CNTNAP2: variants seen among roughly 807,000 people sequenced by gnomAD.
CNTNAP2 encodes contactin-associated protein-like 2.
In CNTNAP2, 98 loss-of-function variants were observed where a neutral mutation model predicts 155.2. That is an observed-to-expected ratio of 0.63 (90% CI 0.54 to 0.75). The LOEUF (loss-of-function observed/expected upper bound fraction) is 0.75. CNTNAP2 is among the 30% of genes least tolerant of loss of function. The pLI is 0.00. For missense variants in CNTNAP2, 1,727 were observed against 1,688.1 expected, an observed-to-expected ratio of 1.02 and a Z score of -0.40; for synonymous variants, 651 against 631.2, an observed-to-expected ratio of 1.03 and a Z score of -0.47.
intron 3 of CNTNAP2, among the ~76,000 whole-genome samples, chr7:146,941,411 A>C (rs1326499345): frequency 6.6e-6 from 1 of 152,148 alleles, no homozygotes; most frequent in Non-Finnish European, 1.5e-5. Flanking sequence ...TCAATTTTGG[A>C]TGTCACAACT....
intron 13 of CNTNAP2, among the ~76,000 whole-genome samples, chr7:147,873,492 A>G (rs2710140): frequency 0.57 from 86,675 of 151,934 alleles, 25,295 homozygotes; most frequent in African/African-American, 0.69. Flanking sequence ...AAAACCAGCC[A>G]ATCTTGTGAG....
intron 1 of CNTNAP2, among the ~76,000 whole-genome samples, chr7:146,351,106 C>T (rs1381920636): frequency 6.6e-6 from 1 of 151,192 alleles, no homozygotes; most frequent in African/African-American, 2.4e-5. Context: ...GTGCAGCACA[C>T]CAGCATGGCA....
intron 17 of CNTNAP2, among the ~76,000 whole-genome samples, chr7:148,167,979 T>C (rs920322636): frequency 2.0e-5 from 3 of 152,230 alleles, no homozygotes; most frequent in Non-Finnish European, 4.4e-5. Context: ...AATAAAAATA[T>C]GATTTACTCT....
chr7:146,592,879 T>C (rs973741279), intron 1 of CNTNAP2, among the ~76,000 whole-genome samples: 1 of 152,062 alleles, frequency 6.6e-6, no homozygotes, highest in Non-Finnish European at 1.5e-5. Context: ...CGCTACAGCT[T>C]GCAAACTGCA....
chr7:148,375,508 C>T (rs1798967215), intron 21 of CNTNAP2, among the ~76,000 whole-genome samples: 1 of 150,246 alleles, frequency 6.7e-6, no homozygotes, highest in African/African-American at 2.4e-5. Context: ...TACAGGCGTC[C>T]ACCACCACGC....
chr7:147,728,449 C>T (rs1189770076), intron 13 of CNTNAP2, among the ~76,000 whole-genome samples: 1 of 151,962 alleles, frequency 6.6e-6, no homozygotes, highest in Admixed American at 6.6e-5. Context: ...CTATTTTCTC[C>T]TCTTGGTTAC....
intron 1 of CNTNAP2, among the ~76,000 whole-genome samples, chr7:146,164,605 C>G (rs2116807194): frequency 6.6e-6 from 1 of 152,286 alleles, no homozygotes; most frequent in African/African-American, 2.4e-5. Context: ...TAGGTCTATT[C>G]TCAGTTTCCT....
chr7:146,750,925 G>A (rs1289224690), intron 1 of CNTNAP2, among the ~76,000 whole-genome samples: 1 of 152,014 alleles, frequency 6.6e-6, no homozygotes, highest in Non-Finnish European at 1.5e-5. Context: ...ATGCTGATAG[G>A]CATTAACAGG....
At chr7:146,720,889 CTCTA>C (rs1383515324) in intron 1 of CNTNAP2, among the ~76,000 whole-genome samples, 4 of 143,710 alleles carry the variant, frequency 2.8e-5, no homozygotes, top group African/African-American at 1.0e-4. Flanking sequence ...TATATATACT[CTCTA>C]TATATATTCT....
chr7:146,910,295 A>G (rs1031582519), intron 3 of CNTNAP2, among the ~76,000 whole-genome samples: 3 of 150,076 alleles, frequency 2.0e-5, no homozygotes, highest in Non-Finnish European at 2.9e-5. Context: ...ACAGAATTGG[A>G]AAAAGCTACT....
intron 1 of CNTNAP2, among the ~76,000 whole-genome samples, chr7:146,430,210 C>A (rs1473834782): frequency 1.3e-5 from 2 of 150,772 alleles, no homozygotes; most frequent in Admixed American, 1.3e-4. Flanking sequence ...TTAATCTCTG[C>A]CAGGATGTAA....
intron 14 of CNTNAP2, among the ~76,000 whole-genome samples, chr7:147,908,854 A>T (rs984661399): frequency 6.6e-6 from 1 of 152,230 alleles, no homozygotes; most frequent in Non-Finnish European, 1.5e-5. Flanking sequence ...ACTAAGACCA[A>T]AATGAGGACA....
chr7:146,521,373 A>G (rs938366742), intron 1 of CNTNAP2, among the ~76,000 whole-genome samples: 1 of 152,002 alleles, frequency 6.6e-6, no homozygotes, highest in Admixed American at 6.6e-5. Flanking sequence ...TTTATAGCAT[A>G]ATCTTTGAGT....
chr7:147,278,660 A>G (rs1012598694), intron 8 of CNTNAP2, among the ~76,000 whole-genome samples: 4 of 151,668 alleles, frequency 2.6e-5, no homozygotes, highest in Non-Finnish European at 4.4e-5. Flanking sequence ...TTTATACTGA[A>G]TAAAGTTTTT....
At chr7:148,109,263 C>A (rs1804288883) in intron 15 of CNTNAP2, among the ~76,000 whole-genome samples, 1 of 152,212 alleles carries the variant, frequency 6.6e-6, no homozygotes, top group Admixed American at 6.5e-5. Context: ...AGAGGTTCCA[C>A]TGTTATTCTG....
chr7:146,684,343 A>T (rs1800556957), intron 1 of CNTNAP2, among the ~76,000 whole-genome samples: 1 of 152,124 alleles, frequency 6.6e-6, no homozygotes, highest in Non-Finnish European at 1.5e-5. Flanking sequence ...TAAAACAAAA[A>T]TTCCCCTATT....
chr7:147,241,994 TA>T (rs1161858488), intron 8 of CNTNAP2, among the ~76,000 whole-genome samples: 4 of 152,222 alleles, frequency 2.6e-5, no homozygotes, highest in African/African-American at 9.6e-5. Flanking sequence ...TGAGTTCAAA[TA>T]TGTTCACTTT....
chr7:147,784,184 G>A (rs1407085351), intron 13 of CNTNAP2, among the ~76,000 whole-genome samples: 6 of 151,572 alleles, frequency 4.0e-5, no homozygotes, highest in South Asian at 2.1e-4. Context: ...TGAAGGGCTC[G>A]TCCTAACTAC....
intron 3 of CNTNAP2, among the ~76,000 whole-genome samples, chr7:147,032,712 A>T (rs34351518): frequency 6.6e-6 from 1 of 152,038 alleles, no homozygotes; most frequent in Non-Finnish European, 1.5e-5. Context: ...AAAGAAAGAG[A>T]GAAAAAAAGG....
Sources: allele counts gnomAD v4.1 joint callset (sites outside exome capture counted in the v4.1 genomes callset), GRCh38; gene constraint gnomAD v4.1.1; transcripts MANE v1.5; gene names NCBI Gene and HGNC (gene_info 2026-07-23, HGNC 2026-07-21).